The following LIMA1 variants were observed in gnomAD, a reference collection of about 807,000 sequenced individuals.
LIMA1 encodes the protein LIM domain and actin-binding protein 1.
Under a neutral mutation model 62.6 loss-of-function variants are expected in LIMA1, and 52 were observed. The ratio of observed to expected loss-of-function variants is 0.83; its 90% CI spans 0.67 to 1.05. The LOEUF (loss-of-function observed/expected upper bound fraction) is 1.05, where lower values mean the gene tolerates loss of function less well. Ranked by LOEUF, LIMA1 falls within the 50% of genes least tolerant of loss-of-function variation. LIMA1 has a pLI of 0.00. For missense variants in LIMA1, 780 were observed against 902.2 expected (o/e 0.86, Z 1.74); for synonymous variants, 302 against 317.8 (o/e 0.95, Z 0.53).
chr12:50,249,406 G>C (rs1032707977), intron 1 of LIMA1, among the ~76,000 whole-genome samples: 8 of 152,146 alleles, frequency 5.3e-5, no homozygotes, highest in Admixed American at 3.9e-4. Flanking sequence ...GATTTAAGGA[G>C]ATAATATATT....
At position 50,221,812 on chromosome 12, in the gene LIMA1, G is replaced by A. The variant is rs116059099; in HGVS notation, c.630+209C>T. On this transcript the variant is annotated intron_variant, in intron 4 of 10. Coordinates refer to ENST00000341247, the MANE Select transcript of LIMA1 (RefSeq NM_016357.5). ...TAGATACCAATTTGAATCCCAGTGT[G>A]AACCTGATTTAACATGAAATTGTGT... Among the ~76,000 whole-genome samples the A allele has an allele frequency of 2.4e-3, 371 of 152,330 alleles. 1 individual carries two copies. Among genetic ancestry groups the A allele is most frequent in the Middle Eastern group, 0.01 (3 of 294 alleles).
At chr12:50,196,873 G>A (rs1940940810) in intron 7 of LIMA1, among the ~76,000 whole-genome samples, 1 of 152,064 alleles carries the variant, frequency 6.6e-6, no homozygotes, top group African/African-American at 2.4e-5. Context: ...GCATTTACTG[G>A]GTGTTTACTA....
chr12:50,192,604 G>T, intron 8 of LIMA1, 43 bp from the exon 9 acceptor site: 1 of 1,434,100 alleles, frequency 7.0e-7, no homozygotes, highest in Non-Finnish European at 9.8e-7. Flanking sequence ...GTATCTCATG[G>T]AATGTCTTGG....
chr12:50,180,354 A>G (rs906240054), intron 10 of LIMA1, among the ~76,000 whole-genome samples: 1 of 151,618 alleles, frequency 6.6e-6, no homozygotes. Context: ...GCCCGCCTGT[A>G]ATCCCAGCTA....
chr12:50,211,587 G>C (rs1419090816), intron 4 of LIMA1, among the ~76,000 whole-genome samples: 1 of 152,012 alleles, frequency 6.6e-6, no homozygotes, highest in East Asian at 1.9e-4. Flanking sequence ...CGAGGCTGTA[G>C]TGACCTATGA....
chr12:50,209,588 GAA>G (rs72127378), intron 4 of LIMA1, among the ~76,000 whole-genome samples: 11 of 85,822 alleles, frequency 1.3e-4, no homozygotes, highest in South Asian at 4.5e-4. Context: ...AAAAAAAAAA[GAA>G]AAAAGATAAT....
chr12:50,246,754 C>T (rs1941855113), intron 2 of LIMA1, among the ~76,000 whole-genome samples: 1 of 152,256 alleles, frequency 6.6e-6, no homozygotes, highest in South Asian at 2.1e-4. Context: ...CTTTCCTATT[C>T]CCTTTATTCG....
intron 9 of LIMA1, among the ~76,000 whole-genome samples, chr12:50,182,367 G>A (rs556245971): frequency 2.9e-4 from 44 of 152,154 alleles, no homozygotes; most frequent in Non-Finnish European, 4.1e-4. Context: ...TCGGGGGGGG[G>A]AGTGCAGGGA....
chr12:50,217,095 A>T (rs1409462207), intron 4 of LIMA1, among the ~76,000 whole-genome samples: 1 of 151,772 alleles, frequency 6.6e-6, no homozygotes, highest in Non-Finnish European at 1.5e-5. Context: ...TTTCTTCTTG[A>T]ATTTATAAAA....
chr12:50,219,535 GACA>G (rs1941406901), intron 4 of LIMA1: 1 of 152,062 alleles, frequency 6.6e-6, no homozygotes. Flanking sequence ...TTTCAGTATG[GACA>G]ATGATGCTTA....
chr12:50,181,038 GGAGGTA>G (rs1381672170), intron 10 of LIMA1, among the ~76,000 whole-genome samples: 1 of 150,794 alleles, frequency 6.6e-6, no homozygotes, highest in Non-Finnish European at 1.5e-5. Flanking sequence ...CTTGAACTCA[GGAGGTA>G]GAGGTTGCAG....
chr12:50,236,686 T>A (rs1389129196), intron 2 of LIMA1, among the ~76,000 whole-genome samples: 1 of 152,140 alleles, frequency 6.6e-6, no homozygotes, highest in East Asian at 1.9e-4. Flanking sequence ...ATGGGGAAGC[T>A]GCTTCTTCCG....
At chr12:50,276,637 G>A (rs1054034522) in intron 1 of LIMA1, among the ~76,000 whole-genome samples, 6 of 152,094 alleles carry the variant, frequency 3.9e-5, no homozygotes, top group South Asian at 2.1e-4. Flanking sequence ...TTGGAAGGCC[G>A]AGGCGGGCAG....
intron 2 of LIMA1, among the ~76,000 whole-genome samples, chr12:50,241,975 G>C (rs1305415721): frequency 9.2e-4 from 31 of 33,612 alleles, no homozygotes; most frequent in South Asian, 4.3e-3. Context: ...TTTTTTTTGC[G>C]GTCCAGCCTC....
rs558118348 is a variant in LIMA1, at chr12:50,192,978, C to CTGTGTGTG, written c.1031-425_1031-418dup. On this transcript the variant is annotated intron_variant, in intron 8 of 10. Transcript: ENST00000341247. ...GATGTGAGGGCAGAAATTTTGTACT[C>CTGTGTGTG]TGTGTGTGTGTGTGTGTGTGTGTGT... is the stretch of plus-strand genomic sequence containing the variant. Among the ~76,000 whole-genome samples the CTGTGTGTG allele has an allele frequency of 8.5e-3, 1,233 of 145,190 alleles. 15 individuals carry two copies. Among genetic ancestry groups the CTGTGTGTG allele is most frequent in the African/African-American group, 0.029 (1,131 of 39,100 alleles).
chr12:50,274,181 T>C (rs1388759332), intron 1 of LIMA1, among the ~76,000 whole-genome samples: 1 of 152,226 alleles, frequency 6.6e-6, no homozygotes, highest in Non-Finnish European at 1.5e-5. Context: ...AAACAAGACT[T>C]GTCCAAATGA....
intron 4 of LIMA1, among the ~76,000 whole-genome samples, chr12:50,219,162 T>C (rs1184723976): frequency 2.0e-5 from 3 of 152,082 alleles, no homozygotes; most frequent in Non-Finnish European, 2.9e-5. Flanking sequence ...GCTCAGACTA[T>C]AGAATACCTG....
At chr12:50,280,919 A>G (rs996042400) in intron 1 of LIMA1, among the ~76,000 whole-genome samples, 1 of 152,230 alleles carries the variant, frequency 6.6e-6, no homozygotes, top group African/African-American at 2.4e-5. Flanking sequence ...TAGCAAACTT[A>G]AAAAACAATT....
At chr12:50,267,630 C>G (rs1052011423) in intron 1 of LIMA1, among the ~76,000 whole-genome samples, 1 of 152,080 alleles carries the variant, frequency 6.6e-6, no homozygotes, top group Non-Finnish European at 1.5e-5. Flanking sequence ...AGCAATTCTC[C>G]TGCCTCAGCC....
Sources: gnomAD v4.1 joint callset for allele counts (sites outside exome capture counted in the v4.1 genomes callset) on GRCh38, gnomAD v4.1.1 for gene constraint, MANE v1.5 for transcripts, NCBI Gene and HGNC (gene_info 2026-07-23, HGNC 2026-07-21) for gene names.